DPP10: variants seen among roughly 807,000 people sequenced by gnomAD.
The protein encoded by DPP10 is dipeptidyl peptidase like 10.
In DPP10, 33 loss-of-function variants were observed where a neutral mutation model predicts 120.9. The observed-to-expected ratio is 0.27, with a 90% CI of 0.21 to 0.37. The LOEUF (loss-of-function observed/expected upper bound fraction) is 0.37. DPP10 is among the 10% of genes least tolerant of loss of function. DPP10 has a pLI of 1.00. For missense variants in DPP10, 816 were observed against 942.8 expected, an observed-to-expected ratio of 0.87 and a Z score of 1.76; for synonymous variants, 337 against 326.1, an observed-to-expected ratio of 1.03 and a Z score of -0.36.
At chr2:114,672,945 G>C (rs933935774) in intron 1 of DPP10, among the ~76,000 whole-genome samples, 1 of 152,030 alleles carries the variant, frequency 6.6e-6, no homozygotes, top group African/African-American at 2.4e-5. Context: ...GCATGGCATG[G>C]TGTCTCCCCC....
At chr2:114,497,365 ACACATG>A (rs1185407902) in intron 1 of DPP10, among the ~76,000 whole-genome samples, 1,728 of 140,968 alleles carry the variant, frequency 0.012, 79 homozygotes, top group African/African-American at 0.045. Flanking sequence ...ACATATACAT[ACACATG>A]TACATATACA....
rs77213163 is a variant in DPP10, at chr2:115,670,248, G to T, written c.442-19439G>T. On this transcript the variant is annotated intron_variant, in intron 5 of 25. Transcript: ENST00000410059. ...AAATATCATCACATTGGGGATTAGG[G>T]TTTTAACATATAAATTTGGATGGAG... is the stretch of plus-strand genomic sequence containing the variant. 3.0e-3 allele frequency among the ~76,000 whole-genome samples: 464 copies of T among 152,148 alleles called. 3 individuals carry two copies. Among genetic ancestry groups the T allele is most frequent in the African/African-American group, 0.011 (442 of 41,516 alleles).
At chr2:114,594,140 C>G (rs965223862) in intron 1 of DPP10, among the ~76,000 whole-genome samples, 1 of 152,018 alleles carries the variant, frequency 6.6e-6, no homozygotes, top group Non-Finnish European at 1.5e-5. Flanking sequence ...ACCATCTAAT[C>G]AGCTGCCAAG....
chr2:114,577,009 C>A (rs1238070228), intron 1 of DPP10, among the ~76,000 whole-genome samples: 2 of 151,964 alleles, frequency 1.3e-5, no homozygotes, highest in African/African-American at 4.8e-5. Flanking sequence ...TTAAGAAGAG[C>A]AGGCAAATAG....
chr2:115,650,417 G>T (rs938195522), intron 5 of DPP10, among the ~76,000 whole-genome samples: 2 of 143,754 alleles, frequency 1.4e-5, no homozygotes, highest in South Asian at 2.4e-4. Context: ...GAAAGGGGGG[G>T]GGGGATAATC....
intron 1 of DPP10, among the ~76,000 whole-genome samples, chr2:114,995,598 A>G (rs1414988120): frequency 6.6e-6 from 1 of 152,218 alleles, no homozygotes; most frequent in Non-Finnish European, 1.5e-5. Flanking sequence ...ACTTTGCAAG[A>G]GTATAAAAAA....
At chr2:114,835,158 A>G (rs560967962) in intron 1 of DPP10, 15 of 149,318 alleles carry the variant, frequency 1.0e-4, no homozygotes, top group African/African-American at 3.3e-4. Context: ...TGTATATATA[A>G]GCCATATCTA....
chr2:115,826,421 A>G (rs1688321043), intron 21 of DPP10, among the ~76,000 whole-genome samples: 1 of 151,914 alleles, frequency 6.6e-6, no homozygotes, highest in Admixed American at 6.6e-5. Flanking sequence ...TGACCTCTTT[A>G]TTGTTAAGAA....
intron 1 of DPP10, among the ~76,000 whole-genome samples, chr2:115,301,149 C>T (rs2061110290): frequency 1.3e-5 from 2 of 151,830 alleles, no homozygotes; most frequent in South Asian, 2.1e-4. Context: ...TTTTATTATC[C>T]GTCCCTAAGA....
chr2:114,701,732 G>C (rs374711685), intron 1 of DPP10, among the ~76,000 whole-genome samples: 1 of 152,102 alleles, frequency 6.6e-6, no homozygotes, highest in Non-Finnish European at 1.5e-5. Flanking sequence ...ATGGGAATGG[G>C]GGGTGGGCAG....
At chr2:115,156,422 G>A (rs955348921) in intron 1 of DPP10, among the ~76,000 whole-genome samples, 6 of 152,142 alleles carry the variant, frequency 3.9e-5, no homozygotes, top group Non-Finnish European at 7.3e-5. Context: ...AAAATTCATG[G>A]GAGAATTTGA....
At chr2:115,321,616 T>C (rs1392799847) in intron 2 of DPP10, among the ~76,000 whole-genome samples, 1 of 151,586 alleles carries the variant, frequency 6.6e-6, no homozygotes, top group Non-Finnish European at 1.5e-5. Context: ...TTAAATACTC[T>C]TTCTGCCCTT....
chr2:115,813,159 TTTTAGTAGAGACGGGGTTTCACC>T (rs1686845057), intron 19 of DPP10, among the ~76,000 whole-genome samples: 3 of 146,636 alleles, frequency 2.0e-5, no homozygotes, highest in African/African-American at 8.2e-5. Context: ...TTTTTTGTAT[TTTTAGTAGAGACGGGGTTTCACC>T]TTGTTAGCCA....
At chr2:115,122,239 T>G (rs889987905) in intron 1 of DPP10, among the ~76,000 whole-genome samples, 3 of 152,142 alleles carry the variant, frequency 2.0e-5, no homozygotes, top group African/African-American at 7.2e-5. Context: ...ATACAACACA[T>G]GAGAGAAGAG....
At chr2:115,356,565 C>T (rs1482431636) in intron 3 of DPP10, among the ~76,000 whole-genome samples, 1 of 152,014 alleles carries the variant, frequency 6.6e-6, no homozygotes, top group Non-Finnish European at 1.5e-5. Flanking sequence ...TGCCTGATTG[C>T]CCTGGCCAGT....
intron 1 of DPP10, among the ~76,000 whole-genome samples, chr2:114,799,156 A>G (rs1261527860): frequency 6.6e-6 from 1 of 152,220 alleles, no homozygotes; most frequent in Non-Finnish European, 1.5e-5. Context: ...AAAAGTTTAT[A>G]TTAAAGAATA....
intron 1 of DPP10, among the ~76,000 whole-genome samples, chr2:114,606,700 G>T (rs1253719803): frequency 6.6e-6 from 1 of 152,114 alleles, no homozygotes; most frequent in African/African-American, 2.4e-5. Context: ...AAAGTGGGAA[G>T]CTTAGTATCT....
At chr2:115,496,460 C>G (rs2076400927) in intron 3 of DPP10, among the ~76,000 whole-genome samples, 1 of 152,006 alleles carries the variant, frequency 6.6e-6, no homozygotes, top group Non-Finnish European at 1.5e-5. Flanking sequence ...TAGTCTTTAT[C>G]TTTTCAAACA....
At chr2:115,842,138 G>C (rs1690213854) in intron 25 of DPP10, 73 bp from the exon 26 acceptor site, 16 of 1,453,938 alleles carry the variant, frequency 1.1e-5, no homozygotes, top group Non-Finnish European at 1.5e-5. Flanking sequence ...ATGACGTTAG[G>C]GCTCAGAAAA....
Sources: allele counts gnomAD v4.1 joint callset (sites outside exome capture counted in the v4.1 genomes callset), GRCh38; gene constraint gnomAD v4.1.1; transcripts MANE v1.5; gene names NCBI Gene and HGNC (gene_info 2026-07-23, HGNC 2026-07-21).